The following CNTN3 variants were observed in gnomAD, a reference collection of about 807,000 sequenced individuals.
CNTN3 encodes contactin-3.
A neutral mutation model predicts 119.1 loss-of-function variants in CNTN3; 60 were observed. That is an observed-to-expected ratio of 0.50 (90% CI 0.41 to 0.62). The LOEUF is 0.62. CNTN3 is among the 20% of genes least tolerant of loss of function. The probability of loss-of-function intolerance (pLI) is 0.00; values close to 1 mark genes in which losing one functional copy is unlikely to be tolerated. For missense variants in CNTN3, 1,101 were observed against 1,242.4 expected (o/e 0.89, Z 1.71); for synonymous variants, 450 against 438.7 (o/e 1.03, Z -0.32).
chr3:74,270,448 G>A (rs781745205), intron 20 of CNTN3, among the ~76,000 whole-genome samples: 43 of 152,106 alleles, frequency 2.8e-4, no homozygotes, highest in Admixed American at 5.9e-4. Flanking sequence ...GATCAGATCT[G>A]AATCTCACTC....
intron 5 of CNTN3, among the ~76,000 whole-genome samples, chr3:74,398,754 A>G (rs982526000): frequency 3.3e-5 from 5 of 152,218 alleles, no homozygotes; most frequent in African/African-American, 1.2e-4. Flanking sequence ...CAGGCCTTAA[A>G]GACACTTAGG....
intron 5 of CNTN3, among the ~76,000 whole-genome samples, chr3:74,397,909 A>G (rs1705096246): frequency 6.6e-6 from 1 of 152,190 alleles, no homozygotes; most frequent in Admixed American, 6.5e-5. Flanking sequence ...TGTGGTGGAA[A>G]TAACAAGTAA....
At chr3:74,287,845 A>G (rs1332424315) in intron 19 of CNTN3, among the ~76,000 whole-genome samples, 1 of 152,322 alleles carries the variant, frequency 6.6e-6, no homozygotes, top group Admixed American at 6.5e-5. Context: ...TAAAGAATAC[A>G]GCACCATTTA....
At chr3:74,492,164 G>A (rs904589136) in intron 3 of CNTN3, among the ~76,000 whole-genome samples, 1 of 152,142 alleles carries the variant, frequency 6.6e-6, no homozygotes, top group Non-Finnish European at 1.5e-5. Context: ...ACACAAATTA[G>A]AATCTGCTTT....
chr3:74,399,707 G>T (rs1403628991), intron 5 of CNTN3, among the ~76,000 whole-genome samples: 2 of 152,112 alleles, frequency 1.3e-5, no homozygotes, highest in African/African-American at 4.8e-5. Flanking sequence ...GGTCTTTGAG[G>T]AATTGCCACT....
At chr3:74,456,721 T>C (rs895577132) in intron 4 of CNTN3, among the ~76,000 whole-genome samples, 3 of 152,102 alleles carry the variant, frequency 2.0e-5, no homozygotes, top group East Asian at 3.9e-4. Context: ...GAAACTTCAT[T>C]GTAGCTGATT....
intron 4 of CNTN3, among the ~76,000 whole-genome samples, chr3:74,440,528 G>C (rs530722688): frequency 6.6e-6 from 1 of 151,172 alleles, no homozygotes; most frequent in Middle Eastern, 3.2e-3. Context: ...GTGGAATGTA[G>C]AGAAATGCAT....
chr3:74,371,055 A>T, intron 6 of CNTN3, 141 bp downstream of exon 6: 2 of 637,830 alleles, frequency 3.1e-6, no homozygotes, highest in Non-Finnish European at 5.6e-6. Context: ...CATTTTTGTC[A>T]TTGTACTCAT....
chr3:74,609,668 A>G (rs1705048263), intron 1 of CNTN3, among the ~76,000 whole-genome samples: 1 of 152,346 alleles, frequency 6.6e-6, no homozygotes, highest in Non-Finnish European at 1.5e-5. Context: ...AGTCAGCTGC[A>G]GACTTCTGCT....
intron 4 of CNTN3, 59 bp downstream of exon 4, chr3:74,486,397 C>G (rs931112922): frequency 1.4e-6 from 2 of 1,458,458 alleles, no homozygotes; most frequent in Non-Finnish European, 1.9e-6. Flanking sequence ...AACGACTACA[C>G]AAATTAAGTT....
intron 4 of CNTN3, among the ~76,000 whole-genome samples, chr3:74,452,569 A>C (rs944377991): frequency 7.7e-6 from 1 of 130,178 alleles, no homozygotes; most frequent in Non-Finnish European, 1.6e-5. Flanking sequence ...AGGAGTGGTG[A>C]GAGAGGGCAT....
intron 19 of CNTN3, among the ~76,000 whole-genome samples, chr3:74,290,890 T>A (rs552226107): frequency 1.3e-5 from 2 of 151,860 alleles, no homozygotes; most frequent in Admixed American, 6.6e-5. Context: ...TATTTATTTT[T>A]ACTTTTTTAC....
chr3:74,502,247 A>G (rs13066197), intron 2 of CNTN3, among the ~76,000 whole-genome samples: 102,166 of 151,864 alleles, frequency 0.67, 35,356 homozygotes, highest in Middle Eastern at 0.76. Flanking sequence ...CAAAAGAAGA[A>G]AGGTTAGTAG....
chr3:74,348,056 T>G (rs1475493605), intron 11 of CNTN3, among the ~76,000 whole-genome samples: 1 of 152,176 alleles, frequency 6.6e-6, no homozygotes, highest in Non-Finnish European at 1.5e-5. Context: ...GAAATGCTGG[T>G]CAAAGGACAA....
chr3:74,473,595 C>T (rs565765163), intron 4 of CNTN3, among the ~76,000 whole-genome samples: 2 of 152,234 alleles, frequency 1.3e-5, no homozygotes, highest in East Asian at 3.9e-4. Flanking sequence ...TACTACATTC[C>T]AGGAAAACTG....
At chr3:74,527,043 T>G (rs901030936) in intron 1 of CNTN3, among the ~76,000 whole-genome samples, 6 of 151,932 alleles carry the variant, frequency 3.9e-5, no homozygotes, top group Non-Finnish European at 8.8e-5. Flanking sequence ...AAAAATAATT[T>G]CTTTTACATA....
intron 1 of CNTN3, among the ~76,000 whole-genome samples, chr3:74,605,875 A>C (rs549342408): frequency 6.6e-6 from 1 of 152,182 alleles, no homozygotes; most frequent in Non-Finnish European, 1.5e-5. Context: ...GCTTGAAGGT[A>C]AGAGTGAGTC....
chr3:74,596,812 G>T (rs556423931), intron 1 of CNTN3, among the ~76,000 whole-genome samples: 1 of 152,046 alleles, frequency 6.6e-6, no homozygotes, highest in African/African-American at 2.4e-5. Context: ...TGACCACCAC[G>T]GGTTCTTCAA....
chr3:74,322,719 T>A (rs1703026324), intron 13 of CNTN3, among the ~76,000 whole-genome samples: 1 of 152,182 alleles, frequency 6.6e-6, no homozygotes, highest in Admixed American at 6.5e-5. Context: ...TTATTCATAA[T>A]TGCCAAAACA....
Sources: gnomAD v4.1 joint callset for allele counts (sites outside exome capture counted in the v4.1 genomes callset) on GRCh38, gnomAD v4.1.1 for gene constraint, MANE v1.5 for transcripts, NCBI Gene and HGNC (gene_info 2026-07-23, HGNC 2026-07-21) for gene names.